Variants in PDXDC1 observed in about 807,000 individuals in gnomAD.
PDXDC1 encodes pyridoxal-dependent decarboxylase domain-containing protein 1.
Under a neutral mutation model 100.1 loss-of-function variants are expected in PDXDC1, and 42 were observed. The observed-to-expected ratio is 0.42, with a 90% confidence interval of 0.33 to 0.54. PDXDC1 has a LOEUF of 0.54. Among genes scored for constraint, PDXDC1 ranks in the 20% least tolerant of loss-of-function variants. PDXDC1 has a pLI of 0.10. For missense variants in PDXDC1, 636 were observed against 979.2 expected, an observed-to-expected ratio of 0.65 and a Z score of 4.68; for synonymous variants, 260 against 371.7, an observed-to-expected ratio of 0.70 and a Z score of 3.46.
intron 8 of PDXDC1, among the ~76,000 whole-genome samples, chr16:15,011,631 C>CTTTTTTTTTT: frequency 6.4e-3 from 834 of 130,794 alleles, no homozygotes; most frequent in Non-Finnish European, 9.2e-3. Flanking sequence ...ACATTTTTTT[C>CTTTTTTTTTT]TTTTTTTTTT....
At chr16:15,078,443 C>G (rs1429429509) in intron 16 of PDXDC1, among the ~76,000 whole-genome samples, 3 of 151,994 alleles carry the variant, frequency 2.0e-5, no homozygotes, top group Admixed American at 2.0e-4. Flanking sequence ...CATCCTCTCC[C>G]GAAATGCAGT....
At chr16:15,038,548 G>C (rs988003944), downstream of PDXDC1, 5 of 1,271,730 alleles carry the variant, frequency 3.9e-6, no homozygotes, top group African/African-American at 1.5e-5. Flanking sequence ...AGAGATTTAA[G>C]ACTTACCCAG....
At chr16:14,993,359 T>C (rs1349496439) in intron 1 of PDXDC1, among the ~76,000 whole-genome samples, 1 of 148,180 alleles carries the variant, frequency 6.7e-6, no homozygotes, top group Admixed American at 6.9e-5. Flanking sequence ...ATTCTCATTG[T>C]TCATTTCCCA....
At chr16:15,041,292 G>A (rs545418801), downstream of PDXDC1, among the ~76,000 whole-genome samples, 7 of 152,122 alleles carry the variant, frequency 4.6e-5, 1 homozygote, top group Non-Finnish European at 1.0e-4. Context: ...AGGCAGGGGG[G>A]TTTATACTGA....
chr16:15,092,561 T>A, intron 16 of PDXDC1: 1 of 1,613,754 alleles, frequency 6.2e-7, no homozygotes, highest in Non-Finnish European at 8.5e-7. Context: ...CCGAACAGTT[T>A]TTCTTGGGGG....
At chr16:15,082,855 A>C (rs1187582063) in intron 16 of PDXDC1, among the ~76,000 whole-genome samples, 34 of 152,210 alleles carry the variant, frequency 2.2e-4, no homozygotes, top group Admixed American at 2.2e-3. Flanking sequence ...TCTTCTATGG[A>C]AGGCTTTGTC....
intron 16 of PDXDC1, among the ~76,000 whole-genome samples, chr16:15,054,937 T>C (rs2044443398): frequency 6.6e-6 from 1 of 152,200 alleles, no homozygotes; most frequent in Admixed American, 6.5e-5. Flanking sequence ...TTCCTGTGCT[T>C]CCCATCTCAG....
At chr16:15,046,964 G>A (rs189686751) in intron 16 of PDXDC1, among the ~76,000 whole-genome samples, 25 of 152,006 alleles carry the variant, frequency 1.6e-4, no homozygotes, top group African/African-American at 6.0e-4. Context: ...CCACAGCCCC[G>A]CCTCACCACC....
In PDXDC1 at chr16:15,077,037, T is replaced by G. The variant is rs1262136301; in HGVS notation, c.1399+46981T>G. Among the ~76,000 whole-genome samples the G allele has an allele frequency of 4.7e-5, 7 of 149,764 alleles. No homozygotes were observed. The Admixed American group carries it at 4.8e-4, about 10-fold the overall frequency. On this transcript the variant is annotated intron_variant, in intron 16 of 16. Transcript: ENST00000535621. ...TCTTGTTGCCCAGGCTGGAATACAA[T>G]GGCAAGATCTCGGCTCACCGCAAAC...
At chr16:15,067,701 A>G (rs1024591558) in intron 16 of PDXDC1, among the ~76,000 whole-genome samples, 7 of 151,908 alleles carry the variant, frequency 4.6e-5, no homozygotes, top group Non-Finnish European at 7.4e-5. Flanking sequence ...GTAATTTCCA[A>G]CGCCATCAAA....
the PDXDC1 span, among the ~76,000 whole-genome samples, chr16:15,145,282 ATCACCCACTCG>A: frequency 1.3e-5 from 2 of 152,228 alleles, no homozygotes; most frequent in African/African-American, 4.8e-5. Context: ...CCGGAATCCC[ATCACCCACTCG>A]GCTGTGGGCA....
rs367919969 is a variant in PDXDC1, at chr16:15,006,481, A to G, written c.477A>G (p.Glu159=). 422 of 1,610,340 alleles carry G rather than the reference A, an allele frequency of 2.6e-4. No homozygotes were observed. The highest frequency in any genetic ancestry group is 3.3e-4 in the Non-Finnish European group (393 of 1,177,212). ...ICRLAIHSRY[E]DFVVDGFNVL... ...GGCTTGCCATTCATTCTCGATATGA[A>G]GACTTCGTAGTGGATGGCTTCAATG... The change falls in exon 6 of 23, where the codon GAA becomes GAG. Residue 159 remains glutamate, a synonymous_variant. Transcript: ENST00000396410.
rs566562327 is a variant in PDXDC1, at chr16:15,130,163, C to T, written c.1400-8716C>T. The T allele has an allele frequency of 4.3e-4, 633 of 1,476,384 alleles. 11 individuals carry two copies. The South Asian group carries it at 6.3e-3, about 15-fold the overall frequency. The allele number at this position is 1,476,384 out of a possible 1,614,324, so 91.5% of individuals were successfully genotyped here. ...GAGCCGAGCCCACCCAGGCCCTCCT[C>T]GACTCTGCAGAGGCTCCCAGGAGCA... is the stretch of plus-strand genomic sequence containing the variant. On this transcript the variant is annotated intron_variant, in intron 16 of 16. Coordinates refer to the PDXDC1 transcript ENST00000535621.
chr16:15,038,627 G>A, downstream of PDXDC1: 1 of 1,610,254 alleles, frequency 6.2e-7, no homozygotes. Flanking sequence ...TGTGGAAATG[G>A]TGTCCAGGAG....
chr16:15,099,543 G>A (rs2046471558), intron 16 of PDXDC1, among the ~76,000 whole-genome samples: 1 of 150,752 alleles, frequency 6.6e-6, no homozygotes, highest in African/African-American at 2.4e-5. Context: ...AAATTGTCCT[G>A]TGGGCCAACT....
the PDXDC1 span, among the ~76,000 whole-genome samples, chr16:15,145,498 G>A: frequency 3.7e-3 from 568 of 152,368 alleles, 5 homozygotes; most frequent in African/African-American, 0.013. Flanking sequence ...AGCCCTTTCC[G>A]AGGTGGCCTG....
intron 1 of PDXDC1, chr16:14,989,115 T>G: frequency 6.2e-7 from 1 of 1,614,284 alleles, no homozygotes; most frequent in Non-Finnish European, 8.5e-7. Context: ...GTCAGTGATC[T>G]TCATTTCCAC....
At chr16:14,981,736 C>T (rs1338850916) in intron 1 of PDXDC1, among the ~76,000 whole-genome samples, 1 of 152,288 alleles carries the variant, frequency 6.6e-6, no homozygotes, top group Non-Finnish European at 1.5e-5. Flanking sequence ...GGCTTTTTCC[C>T]TCCTTCACAT....
At chr16:15,112,909 G>GT (rs1251766873) in intron 16 of PDXDC1, among the ~76,000 whole-genome samples, 6 of 87,474 alleles carry the variant, frequency 6.9e-5, no homozygotes, top group African/African-American at 2.5e-4. Flanking sequence ...TTAAAAAGTG[G>GT]TAAATTTAAA....
Sources: allele counts gnomAD v4.1 joint callset (sites outside exome capture counted in the v4.1 genomes callset), GRCh38; gene constraint gnomAD v4.1.1; transcripts MANE v1.5; gene names NCBI Gene and HGNC (gene_info 2026-07-23, HGNC 2026-07-21).